The following EIF4E3 variants were observed in gnomAD, a reference collection of about 807,000 sequenced individuals.
EIF4E3 encodes eukaryotic translation initiation factor 4E type 3.
Under a neutral mutation model 31.7 loss-of-function variants are expected in EIF4E3, and 26 were observed. The observed-to-expected ratio is 0.82, with a 90% CI of 0.60 to 1.14. The LOEUF is 1.14. EIF4E3 is among the 50% of genes most tolerant of loss of function. The pLI is 0.00. For missense variants in EIF4E3, 304 were observed against 270.9 expected, an observed-to-expected ratio of 1.12 and a Z score of -0.86; for synonymous variants, 128 against 107.7, an observed-to-expected ratio of 1.19 and a Z score of -1.17.
intron 1 of EIF4E3, among the ~76,000 whole-genome samples, chr3:71,747,473 TTG>T (rs2049885644): frequency 6.6e-6 from 1 of 152,180 alleles, no homozygotes; most frequent in Non-Finnish European, 1.5e-5. Flanking sequence ...TAAAATTGGG[TTG>T]TCTTTTTTGA....
chr3:71,751,002 T>C (rs1398637263), intron 1 of EIF4E3, among the ~76,000 whole-genome samples: 3 of 151,226 alleles, frequency 2.0e-5, no homozygotes, highest in Non-Finnish European at 4.4e-5. Context: ...GACCTCATGA[T>C]CCACCCGCCT....
intron 6 of EIF4E3, among the ~76,000 whole-genome samples, chr3:71,689,501 C>T (rs1388356877): frequency 2.0e-5 from 3 of 152,210 alleles, no homozygotes; most frequent in Non-Finnish European, 4.4e-5. Flanking sequence ...GGCGTGAATT[C>T]TCCCTCAGTT....
chr3:71,664,860 G>A, the EIF4E3 span, among the ~76,000 whole-genome samples: 1 of 152,214 alleles, frequency 6.6e-6, no homozygotes, highest in East Asian at 1.9e-4. Flanking sequence ...AGGCGACAGA[G>A]CAAGACTCCA....
intron 2 of EIF4E3, among the ~76,000 whole-genome samples, chr3:71,709,677 G>A (rs61507336): frequency 0.079 from 11,962 of 152,166 alleles, 538 homozygotes; most frequent in Non-Finnish European, 0.099. Context: ...CACTACGCCT[G>A]GCCAGTTGTG....
chr3:71,744,465 G>A (rs1332110784), intron 1 of EIF4E3, among the ~76,000 whole-genome samples: 7 of 152,156 alleles, frequency 4.6e-5, no homozygotes, highest in South Asian at 2.1e-4. Context: ...ATTCACCTCC[G>A]GCTGGGCACG....
chr3:71,744,280 A>G (rs1467065775), intron 1 of EIF4E3, among the ~76,000 whole-genome samples: 7 of 152,228 alleles, frequency 4.6e-5, no homozygotes, highest in African/African-American at 7.2e-5. Flanking sequence ...TATTGAAAAA[A>G]TATGGCAGGT....
downstream of EIF4E3, among the ~76,000 whole-genome samples, chr3:71,673,282 A>G (rs1404608358): frequency 6.6e-6 from 1 of 152,218 alleles, no homozygotes; most frequent in Admixed American, 6.5e-5. Flanking sequence ...TCCACAGTAT[A>G]AGGATCCCCA....
intron 1 of EIF4E3, among the ~76,000 whole-genome samples, chr3:71,711,461 A>C (rs1421837942): frequency 6.6e-6 from 1 of 152,222 alleles, no homozygotes; most frequent in Non-Finnish European, 1.5e-5. Context: ...AATGCTCTTT[A>C]CCAGAAACTG....
chr3:71,748,333 A>G (rs903613091), intron 1 of EIF4E3, among the ~76,000 whole-genome samples: 2 of 152,172 alleles, frequency 1.3e-5, no homozygotes, highest in African/African-American at 4.8e-5. Context: ...TTCAGTATGC[A>G]TGGATTTGGG....
At chr3:71,686,543 AGT>A (rs61264269) in intron 6 of EIF4E3, among the ~76,000 whole-genome samples, 13,842 of 143,322 alleles carry the variant, frequency 0.097, 618 homozygotes, top group African/African-American at 0.13. Flanking sequence ...TTTCACATTG[AGT>A]GTGTGTGTGT....
intron 6 of EIF4E3, among the ~76,000 whole-genome samples, chr3:71,687,640 G>C (rs2049010750): frequency 1.3e-5 from 2 of 152,160 alleles, no homozygotes; most frequent in Admixed American, 6.5e-5. Context: ...AATTGGCCAG[G>C]GTGGGGCTGG....
the EIF4E3 span, among the ~76,000 whole-genome samples, chr3:71,668,314 G>A: frequency 1.3e-5 from 2 of 151,950 alleles, no homozygotes; most frequent in African/African-American, 2.4e-5. Context: ...GAAGAAAACC[G>A]AGGCAATACC....
intron 4 of EIF4E3, among the ~76,000 whole-genome samples, chr3:71,694,719 A>G (rs1326537250): frequency 1.3e-5 from 2 of 152,164 alleles, no homozygotes; most frequent in Non-Finnish European, 2.9e-5. Flanking sequence ...GAATCCTTAG[A>G]GGCTGCTTGC....
intron 2 of EIF4E3, among the ~76,000 whole-genome samples, chr3:71,702,836 G>A (rs1314492454): frequency 3.9e-5 from 6 of 152,056 alleles, no homozygotes; most frequent in African/African-American, 1.4e-4. Flanking sequence ...ATACCTACAG[G>A]AAGGAATCTA....
chr3:71,750,933 T>C (rs1197744374), intron 1 of EIF4E3, among the ~76,000 whole-genome samples: 1 of 151,776 alleles, frequency 6.6e-6, no homozygotes, highest in Admixed American at 6.6e-5. Context: ...CCAGCTAATT[T>C]TTTGCATTTT....
intron 2 of EIF4E3, among the ~76,000 whole-genome samples, chr3:71,701,353 T>A (rs886405702): frequency 6.6e-6 from 1 of 152,186 alleles, no homozygotes; most frequent in African/African-American, 2.4e-5. Context: ...ATTATTATCC[T>A]TTTTTTAAAG....
At chr3:71,722,938 C>G (rs1219858760) in intron 1 of EIF4E3, among the ~76,000 whole-genome samples, 1 of 152,226 alleles carries the variant, frequency 6.6e-6, no homozygotes, top group Admixed American at 6.5e-5. Flanking sequence ...TAGCCTATGA[C>G]TATCCCATTT....
chr3:71,714,242 AAAGGAAGGAAGG>A (rs751022382), intron 1 of EIF4E3, among the ~76,000 whole-genome samples: 4 of 131,938 alleles, frequency 3.0e-5, no homozygotes, highest in East Asian at 2.4e-4. Context: ...GGGAAGAAGG[AAAGGAAGGAAGG>A]AAGGAAGGAA....
At chr3:71,662,658 G>T in the EIF4E3 span, among the ~76,000 whole-genome samples, 4 of 152,108 alleles carry the variant, frequency 2.6e-5, no homozygotes, top group Non-Finnish European at 5.9e-5. Context: ...CAGCACATGG[G>T]GCTTGGGCTT....
Sources: gnomAD v4.1 joint callset for allele counts (sites outside exome capture counted in the v4.1 genomes callset) on GRCh38, gnomAD v4.1.1 for gene constraint, MANE v1.5 for transcripts, NCBI Gene and HGNC (gene_info 2026-07-23, HGNC 2026-07-21) for gene names.